The following HYCC2 variants were observed in gnomAD, a reference collection of about 807,000 sequenced individuals.
HYCC2 encodes hyccin PI4KA lipid kinase complex subunit 2, also known as hyccin 2.
the HYCC2 span, among the ~76,000 whole-genome samples, chr2:201,006,231 G>T: frequency 6.7e-6 from 1 of 149,324 alleles, no homozygotes; most frequent in Non-Finnish European, 1.5e-5. Context: ...TGGTTCAGGT[G>T]ATTGTCCCTC....
chr2:201,011,469 T>C, the HYCC2 span: 2 of 1,545,710 alleles, frequency 1.3e-6, no homozygotes, highest in South Asian at 1.2e-5. Context: ...TTATCAGCGA[T>C]TTCCTATAGT....
chr2:201,043,185 A>C, the HYCC2 span, among the ~76,000 whole-genome samples: 23 of 152,284 alleles, frequency 1.5e-4, no homozygotes, highest in African/African-American at 5.5e-4. Flanking sequence ...TAAATGGATT[A>C]AGGGCGGTGC....
the HYCC2 span, among the ~76,000 whole-genome samples, chr2:201,025,478 A>C: frequency 1.3e-5 from 2 of 152,142 alleles, no homozygotes; most frequent in Non-Finnish European, 2.9e-5. Context: ...AAAGAAAAGA[A>C]GGAGAGAAAG....
At chr2:201,004,225 A>G in the HYCC2 span, among the ~76,000 whole-genome samples, 1 of 152,228 alleles carries the variant, frequency 6.6e-6, no homozygotes, top group African/African-American at 2.4e-5. Flanking sequence ...ATGGAAAAAA[A>G]CAGGCATATG....
At chr2:201,064,768 T>C in the HYCC2 span, among the ~76,000 whole-genome samples, 1 of 152,208 alleles carries the variant, frequency 6.6e-6, no homozygotes, top group Admixed American at 6.5e-5. Flanking sequence ...GAAAAAAATC[T>C]TCTGTGTATC....
chr2:201,033,159 A>ATATG, the HYCC2 span, among the ~76,000 whole-genome samples: 1 of 117,894 alleles, frequency 8.5e-6, no homozygotes, highest in African/African-American at 3.4e-5. Context: ...ATGTGTGTGT[A>ATATG]TGTGTGTGTG....
the HYCC2 span, chr2:200,988,324 G>A: frequency 1.2e-5 from 19 of 1,613,558 alleles, no homozygotes; most frequent in East Asian, 2.2e-5. Flanking sequence ...AGAAATCCTC[G>A]GCACTGTTGG....
At chr2:200,986,104 G>A in the HYCC2 span, among the ~76,000 whole-genome samples, 2 of 152,176 alleles carry the variant, frequency 1.3e-5, no homozygotes, top group Admixed American at 6.5e-5. Flanking sequence ...TAGGGATAAT[G>A]TAATAAGATA....
the HYCC2 span, among the ~76,000 whole-genome samples, chr2:201,026,056 T>C: frequency 6.6e-6 from 1 of 152,136 alleles, no homozygotes; most frequent in African/African-American, 2.4e-5. Flanking sequence ...AAGTATGCTG[T>C]ATTCAGGAGA....
At chr2:201,026,515 T>C in the HYCC2 span, among the ~76,000 whole-genome samples, 1 of 152,228 alleles carries the variant, frequency 6.6e-6, no homozygotes, top group African/African-American at 2.4e-5. Flanking sequence ...ATATACATGC[T>C]TCTCAGCACT....
chr2:201,038,928 T>TA, the HYCC2 span, among the ~76,000 whole-genome samples: 394 of 145,246 alleles, frequency 2.7e-3, 2 homozygotes, highest in African/African-American at 8.6e-3. Context: ...AATTGTTGAT[T>TA]AAAAAAAAAA....
At chr2:201,058,593 A>C in the HYCC2 span, among the ~76,000 whole-genome samples, 4 of 152,172 alleles carry the variant, frequency 2.6e-5, no homozygotes, top group African/African-American at 9.7e-5. Flanking sequence ...AGTCCCAGCT[A>C]CCCAGGAAGG....
the HYCC2 span, among the ~76,000 whole-genome samples, chr2:201,007,329 C>T: frequency 6.6e-6 from 1 of 152,150 alleles, no homozygotes; most frequent in Non-Finnish European, 1.5e-5. Flanking sequence ...TAAATGTGCT[C>T]AGAACACTTA....
chr2:200,986,740 A>G, the HYCC2 span, among the ~76,000 whole-genome samples: 1 of 152,326 alleles, frequency 6.6e-6, no homozygotes, highest in East Asian at 1.9e-4. Flanking sequence ...GTGCATCAGG[A>G]TAGCACATTT....
At chr2:201,012,066 CCTTT>C in the HYCC2 span, among the ~76,000 whole-genome samples, 1 of 151,998 alleles carries the variant, frequency 6.6e-6, no homozygotes, top group African/African-American at 2.4e-5. Context: ...CATAGTTATC[CCTTT>C]TTTTTTAAAT....
chr2:201,017,225 GTTTTT>G, the HYCC2 span: 1 of 1,067,946 alleles, frequency 9.4e-7, no homozygotes, highest in Non-Finnish European at 1.3e-6. Flanking sequence ...TGTAACTGTT[GTTTTT>G]TTTTTTTTAA....
At chr2:201,043,103 G>C in the HYCC2 span, among the ~76,000 whole-genome samples, 2 of 152,108 alleles carry the variant, frequency 1.3e-5, no homozygotes, top group African/African-American at 4.8e-5. Flanking sequence ...CTTCTGCCTT[G>C]GGATGCTGTT....
the HYCC2 span, among the ~76,000 whole-genome samples, chr2:201,006,482 C>T: frequency 3.3e-5 from 5 of 151,740 alleles, no homozygotes; most frequent in Admixed American, 2.0e-4. Context: ...GTGGGAAATA[C>T]ATTAGCACCT....
the HYCC2 span, among the ~76,000 whole-genome samples, chr2:201,033,349 C>T: frequency 1.3e-5 from 2 of 151,666 alleles, no homozygotes; most frequent in African/African-American, 4.8e-5. Context: ...GTACTATAGG[C>T]ATGTGCCACC....
Sources: allele counts gnomAD v4.1 joint callset (sites outside exome capture counted in the v4.1 genomes callset), GRCh38; gene constraint gnomAD v4.1.1; transcripts MANE v1.5; gene names NCBI Gene and HGNC (gene_info 2026-07-23, HGNC 2026-07-21).